Variants in FER observed in about 807,000 individuals in gnomAD.
The protein encoded by FER is FER tyrosine kinase.
In FER, 63 loss-of-function variants were observed where a neutral mutation model predicts 111.0. The observed-to-expected ratio is 0.57, with a 90% CI of 0.46 to 0.70. The LOEUF is 0.70. FER is among the 30% of genes least tolerant of loss of function. FER has a pLI of 0.00. For synonymous variants in FER, 327 were observed against 313.9 expected, an observed-to-expected ratio of 1.04 and a Z score of -0.44; for missense variants, 914 against 954.0, an observed-to-expected ratio of 0.96 and a Z score of 0.55.
intron 18 of FER, among the ~76,000 whole-genome samples, chr5:109,183,256 T>TTTTG (rs1340404820): frequency 6.7e-6 from 1 of 149,102 alleles, no homozygotes; most frequent in Non-Finnish European, 1.5e-5. Flanking sequence ...GTGTTTTTTT[T>TTTTG]TTTTTTTTTT....
chr5:108,901,039 A>G (rs1470083447), intron 10 of FER, among the ~76,000 whole-genome samples: 1 of 152,074 alleles, frequency 6.6e-6, no homozygotes, highest in Non-Finnish European at 1.5e-5. Context: ...ATGTCTTTAT[A>G]AAAGAGGGAG....
At chr5:109,038,637 T>C (rs1417884537) in intron 14 of FER, among the ~76,000 whole-genome samples, 1 of 151,950 alleles carries the variant, frequency 6.6e-6, no homozygotes, top group Non-Finnish European at 1.5e-5. Context: ...TCATATGTTA[T>C]TTCCTCTGGG....
At chr5:109,113,627 C>T (rs778422114) in intron 17 of FER, among the ~76,000 whole-genome samples, 3 of 152,192 alleles carry the variant, frequency 2.0e-5, no homozygotes, top group Non-Finnish European at 1.5e-5. Flanking sequence ...CAGCGCAAGC[C>T]GGGAACCTCT....
chr5:108,845,510 T>A (rs1254005016), intron 5 of FER, among the ~76,000 whole-genome samples: 1 of 152,076 alleles, frequency 6.6e-6, no homozygotes, highest in Non-Finnish European at 1.5e-5. Flanking sequence ...AATGAATTTC[T>A]TAGGATTTTT....
intron 3 of FER, among the ~76,000 whole-genome samples, chr5:108,813,770 G>A (rs1757998113): frequency 6.6e-6 from 1 of 152,020 alleles, no homozygotes; most frequent in African/African-American, 2.4e-5. Flanking sequence ...TTCCAGCAGT[G>A]TCTCTTCTTC....
At chr5:109,186,436 G>C (rs1279926131) in intron 19 of FER, 114 bp downstream of exon 19, 3 of 1,486,736 alleles carry the variant, frequency 2.0e-6, no homozygotes, top group Non-Finnish European at 2.8e-6. Flanking sequence ...TGTGTTATGA[G>C]ACCATCTCTG....
intron 15 of FER, among the ~76,000 whole-genome samples, chr5:109,045,059 T>C (rs114263981): frequency 6.6e-6 from 1 of 151,954 alleles, no homozygotes; most frequent in Non-Finnish European, 1.5e-5. Context: ...TATACATATA[T>C]GTATATATGC....
At position 108,927,313 on chromosome 5, in the gene FER, T is replaced by C. The variant is rs928711747; in HGVS notation, c.1237-18817T>C. Among the ~76,000 whole-genome samples, 41 of 134,192 alleles carry C rather than the reference T, an allele frequency of 3.1e-4. 1 individual carries two copies. The highest frequency in any genetic ancestry group is 1.0e-3 in the African/African-American group (34 of 33,540). 88.0% of individuals were successfully genotyped at this position (134,192 alleles called of 152,430 possible). The stretch of plus-strand genomic sequence containing the variant: ...CTGTCGCCCAGGCCGGACTGCGGAC[T>C]GCAGTGGCGCAATCTTGGCTCACTG... On this transcript the variant is annotated intron_variant, in intron 10 of 19. Coordinates refer to ENST00000281092, the MANE Select transcript of FER (RefSeq NM_005246.4).
intron 13 of FER, among the ~76,000 whole-genome samples, chr5:108,985,218 A>T (rs369154886): frequency 2.0e-5 from 3 of 152,188 alleles, no homozygotes; most frequent in East Asian, 3.9e-4. Flanking sequence ...TGACAATTCA[A>T]TGTAACCATA....
At chr5:109,104,900 G>A (rs1188587547) in intron 17 of FER, among the ~76,000 whole-genome samples, 8 of 151,920 alleles carry the variant, frequency 5.3e-5, no homozygotes, top group Non-Finnish European at 1.2e-4. Flanking sequence ...CCGCCACCAC[G>A]CCCGGCTAAT....
chr5:109,031,491 TA>T (rs999116073), intron 13 of FER, among the ~76,000 whole-genome samples: 8 of 151,692 alleles, frequency 5.3e-5, no homozygotes, highest in Admixed American at 1.3e-4. Context: ...CTCACATTTT[TA>T]AAAAAAAATT....
chr5:109,024,972 G>A lies in FER; in HGVS notation c.1657-12450G>A, dbSNP rs913028243. On this transcript the variant is annotated intron_variant, in intron 13 of 19. Coordinates refer to ENST00000281092, the MANE Select transcript of FER (RefSeq NM_005246.4). ...TCTGAGGGCTCTGTTCTGTTCCATT[G>A]ATCTATATCTCTGTTTTGGTACCAG... 1.7e-4 allele frequency among the ~76,000 whole-genome samples: 26 copies of A among 151,294 alleles called. 1 individual carries two copies. The highest frequency in any genetic ancestry group is 2.1e-4 in the Non-Finnish European group (14 of 67,760).
chr5:108,978,431 C>T (rs969067149), intron 13 of FER, among the ~76,000 whole-genome samples: 4 of 152,150 alleles, frequency 2.6e-5, no homozygotes, highest in South Asian at 2.1e-4. Flanking sequence ...TGTAACGCTG[C>T]GCTCTTTCTT....
At chr5:109,115,710 A>G (rs1750149007) in intron 17 of FER, among the ~76,000 whole-genome samples, 1 of 152,078 alleles carries the variant, frequency 6.6e-6, no homozygotes, top group African/African-American at 2.4e-5. Flanking sequence ...TTCTTTCAGA[A>G]AAATCAGAAT....
At chr5:108,886,111 T>G (rs959147308) in intron 9 of FER, among the ~76,000 whole-genome samples, 1 of 151,850 alleles carries the variant, frequency 6.6e-6, no homozygotes, top group Non-Finnish European at 1.5e-5. Flanking sequence ...GTGCTAACCA[T>G]TTCACCAGAA....
chr5:108,759,861 G>A (rs1232821656), intron 1 of FER, among the ~76,000 whole-genome samples: 1 of 152,178 alleles, frequency 6.6e-6, no homozygotes, highest in East Asian at 1.9e-4. Flanking sequence ...CCCTGGGGAA[G>A]TTTTCAATAC....
At chr5:109,138,664 T>C (rs781013896) in intron 17 of FER, among the ~76,000 whole-genome samples, 17 of 152,206 alleles carry the variant, frequency 1.1e-4, no homozygotes, top group Non-Finnish European at 1.8e-4. Flanking sequence ...CCTCTCACTC[T>C]ATTTTAATAT....
At chr5:109,141,210 A>G (rs575676270) in intron 17 of FER, among the ~76,000 whole-genome samples, 32 of 152,338 alleles carry the variant, frequency 2.1e-4, no homozygotes, top group African/African-American at 7.0e-4. Context: ...TTTTGAAAAT[A>G]TAAATTCAAC....
At chr5:109,130,103 C>G (rs1424949083) in intron 17 of FER, among the ~76,000 whole-genome samples, 1 of 151,090 alleles carries the variant, frequency 6.6e-6, no homozygotes, top group African/African-American at 2.4e-5. Flanking sequence ...CATAGTGATT[C>G]AGAGTAGAAA....
Sources: gnomAD v4.1 joint callset for allele counts (sites outside exome capture counted in the v4.1 genomes callset) on GRCh38, gnomAD v4.1.1 for gene constraint, MANE v1.5 for transcripts, NCBI Gene and HGNC (gene_info 2026-07-23, HGNC 2026-07-21) for gene names.